The following MPP2 variants were observed in gnomAD, a reference collection of about 807,000 sequenced individuals.
MPP2 encodes the protein MAGUK p55 subfamily member 2.
Under a neutral mutation model 58.5 loss-of-function variants are expected in MPP2, and 42 were observed. The observed-to-expected ratio is 0.72, with a 90% confidence interval of 0.56 to 0.93. The LOEUF (loss-of-function observed/expected upper bound fraction) is 0.93. MPP2 is among the 40% of genes least tolerant of loss of function. The pLI, the probability that MPP2 is intolerant of heterozygous loss-of-function variation, is 0.00. For missense variants in MPP2, 632 were observed against 760.4 expected (o/e 0.83, Z 1.99); for synonymous variants, 300 against 307.8 (o/e 0.97, Z 0.26).
intron 2 of MPP2, chr17:43,901,388 G>T (rs231492): frequency 0.087 from 85,344 of 985,408 alleles, 4,501 homozygotes; most frequent in East Asian, 0.37. Flanking sequence ...TTGGAACTCA[G>T]TTCCCCAGAA....
chr17:43,907,745 G>A (rs1271011563), upstream of MPP2: 13 of 985,432 alleles, frequency 1.3e-5, no homozygotes, highest in African/African-American at 1.7e-5. Flanking sequence ...CCACTGGGAA[G>A]GGTTAGGGAG....
Position 43,881,553 on chromosome 17 carries a change from G to A in MPP2, c.718C>T (p.Arg240Ter), listed in dbSNP as rs953628182. The change falls in exon 7 of 13, where the codon CGA (arginine) becomes TGA (stop). Residue 240 changes from arginine (R) to a stop codon, truncating the protein, a stop_gained. Transcript: ENST00000269095. LOFTEE classifies it high-confidence loss of function. ...TCCTTGCAGGGGATGAGGCTGTCTC[G>A]GGCCGGGTCATAGTCAAAGTGACAT... is the stretch of plus-strand genomic sequence containing the variant. ...VKCHFDYDPA[R>*]DSLIPCKEAG... is the part of the protein sequence containing the mutation. The A allele has an allele frequency of 1.9e-6, 3 of 1,614,084 alleles. No homozygotes were observed. The highest frequency in any genetic ancestry group is 1.7e-6 in the Non-Finnish European group (2 of 1,179,988).
rs536590253 is a variant in MPP2, at chr17:43,883,644, C to A, written c.151-289G>T. Among the ~76,000 whole-genome samples, 4 of 152,250 alleles carry A rather than the reference C, an allele frequency of 2.6e-5. No individual in the cohort carries two copies. In the South Asian group the frequency reaches 8.3e-4, roughly 32 times the overall value. ...GGTCATTAGAAGTTACCAAATTGTC[C>A]CCAGCTCCCAGGACCCTATATGCAT... On this transcript the variant is annotated intron_variant, in intron 3 of 12. Transcript: ENST00000269095.
intron 3 of MPP2, among the ~76,000 whole-genome samples, chr17:43,895,354 C>T (rs2047800866): frequency 1.3e-5 from 2 of 152,148 alleles, no homozygotes; most frequent in Admixed American, 6.5e-5. Flanking sequence ...TCAAATGATC[C>T]ACCCACCTTG....
rs1234093758 is a variant in MPP2, at chr17:43,883,282, A to G, written c.224T>C (p.Leu75Pro). 2 of 1,612,996 alleles carry G rather than the reference A, an allele frequency of 1.2e-6. No homozygotes were observed. Among genetic ancestry groups the G allele is most frequent in the Non-Finnish European group, 8.5e-7 (1 of 1,179,828 alleles). ...DNNLELVQEILRDLAQLAEQS... is the reference protein window; with the variant it reads ...DNNLELVQEIPRDLAQLAEQS... The stretch of plus-strand genomic sequence containing the variant: ...CTCAGCCAGCTGCGCCAGGTCCCGC[A>G]GGATCTCCTGCACCAGCTCCAGGTT... The change falls in exon 4 of 13, where the codon CTG (leucine) becomes CCG (proline). Residue 75 changes from leucine (L) to proline (P), a missense_variant. Leu to Pro is a moderately conservative substitution (Grantham distance 98, BLOSUM62 -3). Transcript: ENST00000269095.
At chr17:43,900,656 C>T (rs1034278205) in intron 2 of MPP2, 4 of 1,425,106 alleles carry the variant, frequency 2.8e-6, no homozygotes, top group South Asian at 1.5e-5. Flanking sequence ...AGTCGAGGAG[C>T]GCCCTCTGAG....
rs1234829708 is a variant in MPP2, at chr17:43,881,502, C to A, written c.769G>T (p.Asp257Tyr). ...KEAGLRFNAG[D>Y]LLQIVNQDDA... ...TCCTGGTTTACGATCTGGAGCAAGT[C>A]CCCGGCGTTGAAGCGCAGGCCTGCT... The change falls in exon 7 of 13, where the codon GAC (aspartate) becomes TAC (tyrosine). Residue 257 changes from aspartate to tyrosine, a missense_variant. Transcript: ENST00000269095. 1.2e-5 allele frequency: 19 copies of A among 1,614,162 alleles called. No homozygotes were observed. Among genetic ancestry groups the A allele is most frequent in the Non-Finnish European group, 1.6e-5 (19 of 1,180,006 alleles).
At position 43,906,039 on chromosome 17, in the gene MPP2, G is replaced by C. The variant is rs556835976; in HGVS notation, c.-34+1435C>G. The stretch of plus-strand genomic sequence containing the variant: ...CCAATCTCTACTCCTAGAGAGCAGG[G>C]AGGAGGGATCCCTTCCCTCCCCCTC... On this transcript the variant is annotated intron_variant, in intron 1 of 12. Transcript: ENST00000269095. 1.2e-4 allele frequency: 113 copies of C among 935,544 alleles called. 2 individuals carry two copies. In the East Asian group the frequency reaches 0.012, roughly 99 times the overall value. The allele number at this position is 935,544 out of a possible 1,614,324, so 58.0% of individuals were successfully genotyped here.
Position 43,907,484 on chromosome 17 carries a change from G to A in MPP2, c.-44C>T. Reference sequence around the variant, plus strand: ...CCGGGGGACGCCTACCTGCGCCCCGGGAAGCCCCTAGCTCCGGGCGGCTCC... The same window carrying A: ...CCGGGGGACGCCTACCTGCGCCCCGAGAAGCCCCTAGCTCCGGGCGGCTCC... On this transcript the variant is annotated 5_prime_UTR_variant, in exon 1 of 13. Coordinates refer to ENST00000269095, the MANE Select transcript of MPP2 (RefSeq NM_005374.5). 1 of 985,558 alleles carries A rather than the reference G, an allele frequency of 1.0e-6. No individual in the cohort carries two copies. The highest frequency in any genetic ancestry group is 1.2e-6 in the Non-Finnish European group (1 of 830,002). 61.1% of individuals were successfully genotyped at this position (985,558 alleles called of 1,614,324 possible).
Position 43,880,656 on chromosome 17 carries a change from T to C in MPP2, c.1150+35A>G. On this transcript the variant is annotated intron_variant, in intron 10 of 12. Coordinates refer to ENST00000269095, the MANE Select transcript of MPP2 (RefSeq NM_005374.5). The surrounding 1 kb of genome is among the most constrained non-coding windows in gnomAD (Gnocchi z 5.2). ...CTGGCCCCAGGGGAGCCCTGCTCCTTGTCCCCAACTCAGCAGGGCCCAGCT... is the reference window on the plus strand; with the variant it reads ...CTGGCCCCAGGGGAGCCCTGCTCCTCGTCCCCAACTCAGCAGGGCCCAGCT... 1 of 1,566,258 alleles carries C rather than the reference T, an allele frequency of 6.4e-7. No homozygotes were observed. Among genetic ancestry groups the C allele is most frequent in the East Asian group, 2.3e-5 (1 of 44,128 alleles).
chr17:43,894,866 C>T (rs1168323945), intron 3 of MPP2, among the ~76,000 whole-genome samples: 1 of 151,734 alleles, frequency 6.6e-6, no homozygotes, highest in Non-Finnish European at 1.5e-5. Flanking sequence ...TCATTTGAGC[C>T]CAGGAGTTCC....
intron 3 of MPP2, among the ~76,000 whole-genome samples, chr17:43,890,041 T>C (rs2143652871): frequency 6.6e-6 from 1 of 151,422 alleles, no homozygotes; most frequent in Non-Finnish European, 1.5e-5. Flanking sequence ...CTCGATCTCC[T>C]GAACTGGTGA....
Position 43,877,725 on chromosome 17 carries a change from G to A in MPP2, c.*82C>T, listed in dbSNP as rs1433421934. The A allele has an allele frequency of 7.4e-6, 9 of 1,224,064 alleles. No homozygotes were observed. The East Asian group carries it at 2.1e-4, about 29-fold the overall frequency. 75.8% of individuals were successfully genotyped at this position (1,224,064 alleles called of 1,614,324 possible). A position where few individuals can be genotyped will look rare whatever the true frequency, so the allele number is the denominator to read the frequency against. On this transcript the variant is annotated 3_prime_UTR_variant, in exon 13 of 13. Transcript: ENST00000269095. ...CCAGATATGGGGGCTAAGGATTGTG[G>A]CAGGGGGTCACAGGTCAGGAGGGGG...
Position 43,883,020 on chromosome 17 carries a change from T to G in MPP2, c.336A>C (p.Ser112=). 6.2e-7 allele frequency: 1 copy of G among 1,613,902 alleles called. No individual in the cohort carries two copies. Among genetic ancestry groups the G allele is most frequent in the East Asian group, 2.2e-5 (1 of 44,872 alleles). The change falls in exon 5 of 13, where the codon TCA becomes TCC. Residue 112 remains serine, a synonymous_variant. Coordinates refer to ENST00000269095, the MANE Select transcript of MPP2 (RefSeq NM_005374.5). ...TGGGGGGTGGTGTCTCATAGGTCTT[T>G]GAGGCCACAGAGTCGTGCGTCTCCA... The part of the protein sequence containing the change: ...SLLETHDSVA[S]KTYETPPPSP...
chr17:43,900,358 G>T (rs539052970), intron 2 of MPP2: 196 of 1,226,044 alleles, frequency 1.6e-4, no homozygotes, highest in African/African-American at 4.4e-4. Flanking sequence ...TCTCCTGAAG[G>T]TGCCCTCAGA....
intron 2 of MPP2, 52 bp downstream of exon 2, chr17:43,904,378 C>T (rs1172927379): frequency 3.8e-6 from 6 of 1,591,444 alleles, no homozygotes; most frequent in Admixed American, 1.7e-5. Context: ...AAGTCCTCGC[C>T]TGGCACCCTC....
Position 43,877,796 on chromosome 17 carries a change from G to T in MPP2, c.*11C>A. Reference sequence around the variant, plus strand: ...TCAACACAGAGTGAGCCAAAGACCAGGTGAACAGGCTCAGTACACCCAGCT... The same window carrying T: ...TCAACACAGAGTGAGCCAAAGACCATGTGAACAGGCTCAGTACACCCAGCT... On this transcript the variant is annotated 3_prime_UTR_variant, in exon 13 of 13. Coordinates refer to ENST00000269095, the MANE Select transcript of MPP2 (RefSeq NM_005374.5). The T allele has an allele frequency of 6.2e-7, 1 of 1,609,876 alleles. No homozygotes were observed.
intron 3 of MPP2, among the ~76,000 whole-genome samples, chr17:43,892,811 C>G (rs2143679174): frequency 6.6e-6 from 1 of 152,288 alleles, no homozygotes; most frequent in Admixed American, 6.5e-5. Flanking sequence ...TGACACAGCA[C>G]ATTGGTTCAT....
chr17:43,899,390 GC>G (rs869187519), intron 2 of MPP2, among the ~76,000 whole-genome samples: 4 of 51,596 alleles, frequency 7.8e-5, no homozygotes, highest in Non-Finnish European at 1.1e-4. Flanking sequence ...GTGAGTACAG[GC>G]CCAGAGTCAA....
Sources: gnomAD v4.1 joint callset for allele counts (sites outside exome capture counted in the v4.1 genomes callset) on GRCh38, gnomAD v4.1.1 for gene constraint, Gnocchi (gnomAD v3.1) non-coding constraint, MANE v1.5 for transcripts, NCBI Gene and HGNC (gene_info 2026-07-23, HGNC 2026-07-21) for gene names.